PDGFC: variants seen among roughly 807,000 people sequenced by gnomAD.
PDGFC encodes the protein platelet derived growth factor C, also known as platelet-derived growth factor C.
PDGFC carries 12 observed loss-of-function variants against 35.5 expected under a neutral mutation model. The observed-to-expected ratio is 0.34, with a 90% confidence interval of 0.22 to 0.55. PDGFC has a LOEUF of 0.55. PDGFC is among the 20% of genes least tolerant of loss of function. PDGFC has a pLI of 0.91. For missense variants in PDGFC, 322 were observed against 412.4 expected (o/e 0.78, Z 1.90); for synonymous variants, 159 against 148.8 (o/e 1.07, Z -0.50).
rs60040609 is a variant in PDGFC at position 156,887,453 on chromosome 4, A to T, written c.119-37037T>A. Among the ~76,000 whole-genome samples the T allele has an allele frequency of 7.7e-3, 1,171 of 152,264 alleles. 13 individuals are homozygous for T. The highest frequency in any genetic ancestry group is 0.026 in the African/African-American group (1,100 of 41,552). On this transcript the variant is annotated intron_variant, in intron 1 of 5. Transcript: ENST00000502773. ...CATTAAATATGAAAATTAAGAGTCT[A>T]CCTGAGGTCATATATTTTAACTTTT...
chr4:156,899,622 C>G (rs1730718504), intron 1 of PDGFC, among the ~76,000 whole-genome samples: 1 of 152,160 alleles, frequency 6.6e-6, no homozygotes, highest in African/African-American at 2.4e-5. Flanking sequence ...TGAGACCAGC[C>G]TGGCCAACAT....
At chr4:156,930,867 A>G (rs1731535397) in intron 1 of PDGFC, among the ~76,000 whole-genome samples, 2 of 152,316 alleles carry the variant, frequency 1.3e-5, no homozygotes, top group East Asian at 3.9e-4. Flanking sequence ...TCTGTCTCAA[A>G]AAAATAAATA....
At chr4:156,835,478 C>CA (rs550054819) in intron 2 of PDGFC, among the ~76,000 whole-genome samples, 18 of 148,654 alleles carry the variant, frequency 1.2e-4, no homozygotes, top group Middle Eastern at 3.4e-3. Flanking sequence ...TGGATGAAGG[C>CA]AAAAAAAAAT....
intron 2 of PDGFC, among the ~76,000 whole-genome samples, chr4:156,830,199 T>G (rs545080774): frequency 6.6e-6 from 1 of 151,604 alleles, no homozygotes; most frequent in Non-Finnish European, 1.5e-5. Context: ...TCTTAAAATA[T>G]ACAGCAAATA....
intron 2 of PDGFC, among the ~76,000 whole-genome samples, chr4:156,829,265 A>C (rs1427245476): frequency 6.6e-6 from 1 of 152,224 alleles, no homozygotes; most frequent in Non-Finnish European, 1.5e-5. Flanking sequence ...ATTAAGAAGA[A>C]AGACAGACTG....
intron 3 of PDGFC, chr4:156,774,280 A>G (rs1485424950): frequency 6.6e-6 from 1 of 152,230 alleles, no homozygotes; most frequent in Non-Finnish European, 1.5e-5. Context: ...CACATATAAT[A>G]TCATCTCAGA....
rs906392004 is a variant in PDGFC at position 156,761,289 on chromosome 4, A to C, written c.*1801T>G. ...TCACCCCATTTAGTAGTTGCCAGTG[A>C]CAATGAAGACATGAGTGGAAACCTG... On this transcript the variant is annotated 3_prime_UTR_variant, in exon 6 of 6. Transcript: ENST00000502773. 6.6e-6 allele frequency: 1 copy of C among 152,252 alleles called. No homozygotes were observed. The highest frequency in any genetic ancestry group is 1.5e-5 in the Non-Finnish European group (1 of 68,056). 9.4% of individuals were successfully genotyped at this position (152,252 alleles called of 1,614,324 possible). A position where few individuals can be genotyped will look rare whatever the true frequency, so the allele number is the denominator to read the frequency against.
intron 1 of PDGFC, among the ~76,000 whole-genome samples, chr4:156,881,149 G>A (rs1056327834): frequency 2.0e-5 from 3 of 152,094 alleles, no homozygotes; most frequent in Non-Finnish European, 4.4e-5. Context: ...TGCCACAGCC[G>A]CCCCAAATTT....
intron 2 of PDGFC, among the ~76,000 whole-genome samples, chr4:156,826,760 C>A (rs928922569): frequency 1.3e-5 from 2 of 152,106 alleles, no homozygotes; most frequent in Non-Finnish European, 2.9e-5. Flanking sequence ...CAAAGCAATA[C>A]CATGACTTCA....
intron 1 of PDGFC, among the ~76,000 whole-genome samples, chr4:156,859,312 A>T (rs1729654612): frequency 6.6e-6 from 1 of 152,096 alleles, no homozygotes; most frequent in South Asian, 2.1e-4. Flanking sequence ...TGTATACATG[A>T]TGAACCTATG....
At chr4:156,824,327 T>TATATATATATATATATATAC (rs1491500876) in intron 2 of PDGFC, among the ~76,000 whole-genome samples, 10 of 102,810 alleles carry the variant, frequency 9.7e-5, no homozygotes, top group Non-Finnish European at 1.7e-4. Context: ...TATATATATA[T>TATATATATATATATATATAC]ACACACACAC....
chr4:156,874,225 T>TA (rs1730054511), intron 1 of PDGFC, among the ~76,000 whole-genome samples: 1 of 152,206 alleles, frequency 6.6e-6, no homozygotes, highest in Non-Finnish European at 1.5e-5. Context: ...TATAGCTGTG[T>TA]ATTATACAGT....
chr4:156,903,104 A>AGAGTGT (rs368483475), intron 1 of PDGFC, among the ~76,000 whole-genome samples: 6,764 of 130,696 alleles, frequency 0.052, 437 homozygotes, highest in African/African-American at 0.16. Context: ...AGAGAGAGAG[A>AGAGTGT]GTGTGTGTGT....
At chr4:156,875,194 C>T (rs769520817) in intron 1 of PDGFC, among the ~76,000 whole-genome samples, 9 of 152,098 alleles carry the variant, frequency 5.9e-5, no homozygotes, top group Non-Finnish European at 8.8e-5. Context: ...GAGGTACACC[C>T]GCAAGTTAAC....
At chr4:156,895,488 C>A (rs781622670) in intron 1 of PDGFC, among the ~76,000 whole-genome samples, 8 of 151,730 alleles carry the variant, frequency 5.3e-5, no homozygotes, top group Non-Finnish European at 1.2e-4. Flanking sequence ...AAAAATTAGC[C>A]GGGTGTTGTG....
chr4:156,824,021 A>C (rs2110987451), intron 2 of PDGFC, among the ~76,000 whole-genome samples: 1 of 152,132 alleles, frequency 6.6e-6, no homozygotes, highest in African/African-American at 2.4e-5. Context: ...GTGAAATCTA[A>C]AAAAGTTGCT....
chr4:156,891,011 C>A (rs1162112146), intron 1 of PDGFC, among the ~76,000 whole-genome samples: 1 of 151,872 alleles, frequency 6.6e-6, no homozygotes, highest in Non-Finnish European at 1.5e-5. Context: ...GTGTGAACAT[C>A]ATACAGGTCA....
chr4:156,943,038 G>C (rs1166843244), intron 1 of PDGFC, among the ~76,000 whole-genome samples: 2 of 151,868 alleles, frequency 1.3e-5, no homozygotes, highest in African/African-American at 4.8e-5. Context: ...GAATTCCCTC[G>C]AAAAAATCTG....
intron 1 of PDGFC, among the ~76,000 whole-genome samples, chr4:156,891,194 T>C (rs1237929655): frequency 7.1e-6 from 1 of 140,494 alleles, no homozygotes; most frequent in Non-Finnish European, 1.5e-5. Flanking sequence ...AAAGGAAAAA[T>C]GCGTGAACCC....
Sources: gnomAD v4.1 joint callset for allele counts (sites outside exome capture counted in the v4.1 genomes callset) on GRCh38, gnomAD v4.1.1 for gene constraint, MANE v1.5 for transcripts, NCBI Gene and HGNC (gene_info 2026-07-23, HGNC 2026-07-21) for gene names.